The following SMOC2 variants were observed in gnomAD, a reference collection of about 807,000 sequenced individuals.
SMOC2 encodes SPARC related modular calcium binding 2.
In SMOC2, 39 loss-of-function variants were observed where a neutral mutation model predicts 61.4. That is an observed-to-expected ratio of 0.64 (90% confidence interval 0.49 to 0.83). The LOEUF (loss-of-function observed/expected upper bound fraction) is 0.83, where lower values mean the gene tolerates loss of function less well. SMOC2 is among the 40% of genes least tolerant of loss of function. The pLI is 0.00. For synonymous variants in SMOC2, 247 were observed against 239.9 expected (o/e 1.03, Z -0.27); for missense variants, 556 against 592.9 (o/e 0.94, Z 0.65).
At chr6:168,609,826 T>C (rs1440468048) in intron 9 of SMOC2, among the ~76,000 whole-genome samples, 1 of 152,226 alleles carries the variant, frequency 6.6e-6, no homozygotes, top group East Asian at 1.9e-4. Flanking sequence ...TATTTTTTTT[T>C]TCGATAGCAC....
chr6:168,632,244 C>A lies in SMOC2; in HGVS notation c.908-18437C>A, dbSNP rs115379697. Among the ~76,000 whole-genome samples the A allele has an allele frequency of 5.7e-3, 875 of 152,304 alleles. 14 individuals are homozygous for A. Among genetic ancestry groups the A allele is most frequent in the African/African-American group, 0.02 (822 of 41,560 alleles). Reference sequence around the variant, plus strand: ...CAGAAGTGACATTCATATTAACCATCCATCTCAACGGCTGGGGCTTCCTTA... The same window carrying A: ...CAGAAGTGACATTCATATTAACCATACATCTCAACGGCTGGGGCTTCCTTA... On this transcript the variant is annotated intron_variant, in intron 9 of 12. Coordinates refer to ENST00000356284, the MANE Select transcript of SMOC2 (RefSeq NM_001166412.2).
chr6:168,518,923 G>T (rs910339699), intron 2 of SMOC2, among the ~76,000 whole-genome samples: 1 of 150,544 alleles, frequency 6.6e-6, no homozygotes, highest in Middle Eastern at 3.5e-3. Context: ...GTGAGCATGA[G>T]TGTGCGTGCA....
intron 1 of SMOC2, among the ~76,000 whole-genome samples, chr6:168,476,881 T>C (rs1782099979): frequency 6.6e-6 from 1 of 151,046 alleles, no homozygotes; most frequent in Non-Finnish European, 1.5e-5. Flanking sequence ...TTTCTGCATG[T>C]ATGAAACATT....
chr6:168,456,079 G>T (rs1286227564), intron 1 of SMOC2, among the ~76,000 whole-genome samples: 1 of 152,262 alleles, frequency 6.6e-6, no homozygotes, highest in African/African-American at 2.4e-5. Context: ...CGGAGTGGGC[G>T]TGGGGGCACG....
At position 168,491,957 on chromosome 6, in the gene SMOC2, G is replaced by A. The variant is rs9456131; in HGVS notation, c.85-17958G>A. On this transcript the variant is annotated intron_variant, in intron 1 of 12. Transcript: ENST00000356284. Reference sequence around the variant, plus strand: ...TTTCGAGCCACCCACACATTCTCCCGCATTCTTCTTTTTGATACATTTCAT... The same window carrying A: ...TTTCGAGCCACCCACACATTCTCCCACATTCTTCTTTTTGATACATTTCAT... 1.7e-3 allele frequency among the ~76,000 whole-genome samples: 266 copies of A among 152,100 alleles called. 3 individuals carry two copies. The highest frequency in any genetic ancestry group is 6.1e-3 in the African/African-American group (251 of 41,486).
At chr6:168,637,584 G>A (rs9355073) in intron 9 of SMOC2, among the ~76,000 whole-genome samples, 146,439 of 152,304 alleles carry the variant, frequency 0.96, 70,713 homozygotes, top group East Asian at 1. Context: ...CTGAGCTGCC[G>A]AATGTTTGCG....
chr6:168,515,596 G>A (rs1320378503), intron 2 of SMOC2, among the ~76,000 whole-genome samples: 1 of 6,376 alleles, frequency 1.6e-4, no homozygotes, highest in African/African-American at 2.2e-4. Context: ...GGCGGAAGAC[G>A]GGCCTTGCCC....
intron 1 of SMOC2, among the ~76,000 whole-genome samples, chr6:168,444,006 T>C (rs987405163): frequency 1.3e-5 from 2 of 152,238 alleles, no homozygotes; most frequent in Non-Finnish European, 2.9e-5. Flanking sequence ...ATTGTTTTGA[T>C]GGTGCCCATG....
In SMOC2 at chr6:168,625,542, G is replaced by A. The variant is rs112222664; in HGVS notation, c.907+17303G>A. ...CTTTTGGTGGTTTTCTTTCTCACTT[G>A]TTCTTTCTTTATTAAAACTAAATAG... On this transcript the variant is annotated intron_variant, in intron 9 of 12. Coordinates refer to ENST00000356284, the MANE Select transcript of SMOC2 (RefSeq NM_001166412.2). Among the ~76,000 whole-genome samples the A allele has an allele frequency of 2.1e-3, 320 of 152,316 alleles. 1 individual carries two copies. Among genetic ancestry groups the A allele is most frequent in the African/African-American group, 7.3e-3 (303 of 41,580 alleles).
In SMOC2 at chr6:168,475,456, C is replaced by T. The variant is rs1347491071; in HGVS notation, c.84+34002C>T. On this transcript the variant is annotated intron_variant, in intron 1 of 12. Coordinates refer to ENST00000356284, the MANE Select transcript of SMOC2 (RefSeq NM_001166412.2). The surrounding 1 kb of genome is among the most constrained non-coding windows in gnomAD (Gnocchi z 4.6). ...CTCCCCCACCCCACCAGGTCGTGATCCCTGAGGGAAGCATGGTCTCATGCG... is the reference window on the plus strand; with the variant it reads ...CTCCCCCACCCCACCAGGTCGTGATTCCTGAGGGAAGCATGGTCTCATGCG... Among the ~76,000 whole-genome samples, 2 of 152,088 alleles carry T rather than the reference C, an allele frequency of 1.3e-5. No homozygotes were observed. The highest frequency in any genetic ancestry group is 2.9e-5 in the Non-Finnish European group (2 of 67,990).
intron 1 of SMOC2, among the ~76,000 whole-genome samples, chr6:168,445,288 C>G (rs1401585882): frequency 6.6e-6 from 1 of 152,132 alleles, no homozygotes; most frequent in Non-Finnish European, 1.5e-5. Flanking sequence ...ATCCTGAATC[C>G]TCATCTTCTC....
intron 9 of SMOC2, among the ~76,000 whole-genome samples, chr6:168,641,346 A>C (rs567951250): frequency 1.3e-5 from 2 of 152,268 alleles, no homozygotes; most frequent in East Asian, 3.9e-4. Flanking sequence ...ACTGACGTCA[A>C]CCTTACCTGT....
intron 4 of SMOC2, 46 bp downstream of exon 4, chr6:168,527,773 G>C: frequency 7.7e-7 from 1 of 1,293,554 alleles, no homozygotes; most frequent in South Asian, 1.3e-5. Context: ...AAGGGAATTG[G>C]TTTGCCGTTT....
chr6:168,549,308 C>A, intron 7 of SMOC2, 105 bp downstream of exon 7: 3 of 1,042,580 alleles, frequency 2.9e-6, no homozygotes, highest in Non-Finnish European at 4.4e-6. Flanking sequence ...GACCCTTGAA[C>A]AACATGGGGG....
chr6:168,632,362 T>G (rs1450506583), intron 9 of SMOC2, among the ~76,000 whole-genome samples: 9 of 152,220 alleles, frequency 5.9e-5, no homozygotes, highest in African/African-American at 2.2e-4. Flanking sequence ...TGACAAATTT[T>G]TGTGAGATAA....
intron 7 of SMOC2, among the ~76,000 whole-genome samples, chr6:168,586,187 A>G (rs1427541109): frequency 6.6e-6 from 1 of 152,096 alleles, no homozygotes; most frequent in Non-Finnish European, 1.5e-5. Flanking sequence ...AGGCTTTTCC[A>G]TCTTTAACTG....
intron 2 of SMOC2, among the ~76,000 whole-genome samples, chr6:168,511,514 G>A (rs531080013): frequency 2.0e-5 from 3 of 152,300 alleles, no homozygotes; most frequent in East Asian, 1.9e-4. Flanking sequence ...CCCATGACAC[G>A]TGGGGAACTA....
intron 9 of SMOC2, among the ~76,000 whole-genome samples, chr6:168,628,807 G>A (rs1465246484): frequency 1.3e-5 from 2 of 152,226 alleles, no homozygotes; most frequent in African/African-American, 2.4e-5. Flanking sequence ...CCCTGCCTTT[G>A]AGCGTGGTGC....
chr6:168,625,254 T>C (rs16887213), intron 9 of SMOC2, among the ~76,000 whole-genome samples: 7,804 of 152,308 alleles, frequency 0.051, 691 homozygotes, highest in African/African-American at 0.18. Context: ...CTTAGGATGC[T>C]GCCCCTCGGG....
Sources: allele counts gnomAD v4.1 joint callset (sites outside exome capture counted in the v4.1 genomes callset), GRCh38; gene constraint gnomAD v4.1.1; non-coding constraint Gnocchi (gnomAD v3.1); transcripts MANE v1.5; gene names NCBI Gene and HGNC (gene_info 2026-07-23, HGNC 2026-07-21).